SCGB2B2: variants seen among roughly 807,000 people sequenced by gnomAD.
The protein encoded by SCGB2B2 is secretoglobin family 2B member 2.
Under a neutral mutation model 7.6 loss-of-function variants are expected in SCGB2B2, and 11 were observed. The ratio of observed to expected loss-of-function variants is 1.45; its 90% CI spans 0.91 to 2.40. The LOEUF is 2.40. SCGB2B2 is among the 30% of genes most tolerant of loss of function. SCGB2B2 has a pLI of 0.00. For synonymous variants in SCGB2B2, 50 were observed against 48.6 expected (o/e 1.03, Z -0.12); for missense variants, 104 against 115.4 (o/e 0.90, Z 0.45).
Position 34,594,376 on chromosome 19 carries a change from G to A in SCGB2B2, c.62-17C>T, listed in dbSNP as rs2065384269. On this transcript the variant is annotated splice_polypyrimidine_tract_variant and intron_variant, in intron 2 of 3. Coordinates refer to ENST00000601241, the MANE Select transcript of SCGB2B2 (RefSeq NM_001025591.4). ...AGGCATCCCCTGTGGAGGATGAGGT[G>A]AGATAAGAAAACAGAGGAGGTCAGA... 6.2e-7 allele frequency: 1 copy of A among 1,611,888 alleles called. No homozygotes were observed. Among genetic ancestry groups the A allele is most frequent in the Non-Finnish European group, 8.5e-7 (1 of 1,178,214 alleles).
At chr19:34,656,254 A>G (rs1017931345) in intron 1 of SCGB2B2, among the ~76,000 whole-genome samples, 8 of 151,462 alleles carry the variant, frequency 5.3e-5, no homozygotes, top group African/African-American at 2.0e-4. Flanking sequence ...AACTGTATGC[A>G]TATTTCATTA....
intron 1 of SCGB2B2, chr19:34,645,340 TC>T (rs2066968080): frequency 6.5e-6 from 1 of 153,526 alleles, no homozygotes; most frequent in African/African-American, 2.4e-5. Flanking sequence ...CTCAGCCCGT[TC>T]CCAATCCCAG....
At chr19:34,649,600 G>A (rs1314972677) in intron 1 of SCGB2B2, among the ~76,000 whole-genome samples, 1 of 152,152 alleles carries the variant, frequency 6.6e-6, no homozygotes, top group African/African-American at 2.4e-5. Context: ...TGTAATCCCA[G>A]CACTTTGGGA....
intron 1 of SCGB2B2, among the ~76,000 whole-genome samples, chr19:34,669,847 C>T (rs980703309): frequency 2.0e-5 from 3 of 152,186 alleles, no homozygotes; most frequent in Non-Finnish European, 2.9e-5. Flanking sequence ...CGGGGCACAC[C>T]ATGCCACACA....
intron 1 of SCGB2B2, among the ~76,000 whole-genome samples, chr19:34,664,983 T>C (rs1305424657): frequency 1.3e-5 from 2 of 152,170 alleles, no homozygotes; most frequent in South Asian, 2.1e-4. Context: ...GCCCAGGTGT[T>C]TGGCACAGGG....
At chr19:34,630,830 C>T (rs1170545758) in intron 1 of SCGB2B2, among the ~76,000 whole-genome samples, 4 of 151,946 alleles carry the variant, frequency 2.6e-5, no homozygotes, top group Non-Finnish European at 4.4e-5. Flanking sequence ...TTTATTGCGG[C>T]ACTATTCACA....
chr19:34,603,812 T>TTTTTA (rs1555744409), intron 1 of SCGB2B2, among the ~76,000 whole-genome samples: 13 of 145,194 alleles, frequency 9.0e-5, no homozygotes, highest in African/African-American at 2.3e-4. Context: ...TTTTTTTTTT[T>TTTTTA]AACAGATAAC....
At chr19:34,610,310 T>G (rs1409953127) in intron 1 of SCGB2B2, among the ~76,000 whole-genome samples, 1 of 152,126 alleles carries the variant, frequency 6.6e-6, no homozygotes. Flanking sequence ...TTCATTCTCT[T>G]GCCTAATTGC....
chr19:34,662,782 T>G (rs960701347), intron 1 of SCGB2B2, among the ~76,000 whole-genome samples: 12 of 151,852 alleles, frequency 7.9e-5, no homozygotes, highest in African/African-American at 2.2e-4. Flanking sequence ...AATACAAAAA[T>G]TAGCCAGGCA....
chr19:34,599,484 GGCA>G (rs1421598456), intron 1 of SCGB2B2, among the ~76,000 whole-genome samples: 1 of 152,188 alleles, frequency 6.6e-6, no homozygotes, highest in Non-Finnish European at 1.5e-5. Flanking sequence ...CTCACATGGC[GGCA>G]GCAAGAGACA....
intron 1 of SCGB2B2, among the ~76,000 whole-genome samples, chr19:34,670,752 T>A (rs941680239): frequency 2.0e-5 from 3 of 152,210 alleles, no homozygotes; most frequent in African/African-American, 7.2e-5. Flanking sequence ...GAATGTGTTA[T>A]TTTTTTCTTT....
intron 1 of SCGB2B2, among the ~76,000 whole-genome samples, chr19:34,663,119 A>G (rs1167066853): frequency 6.6e-6 from 1 of 152,250 alleles, no homozygotes; most frequent in Non-Finnish European, 1.5e-5. Context: ...GATGGTTCAC[A>G]CGACACTGAC....
At chr19:34,655,789 A>T (rs374313607) in intron 1 of SCGB2B2, among the ~76,000 whole-genome samples, 1 of 151,470 alleles carries the variant, frequency 6.6e-6, no homozygotes, top group South Asian at 2.1e-4. Context: ...CAAGAGCAAC[A>T]TATCTAACGA....
At chr19:34,606,047 A>T (rs113225420) in intron 1 of SCGB2B2, among the ~76,000 whole-genome samples, 3,110 of 150,162 alleles carry the variant, frequency 0.021, 47 homozygotes, top group East Asian at 0.067. Flanking sequence ...AGTTACTAAA[A>T]TTTTTTTTTT....
At chr19:34,602,347 T>C (rs987547078) in intron 1 of SCGB2B2, among the ~76,000 whole-genome samples, 2 of 152,208 alleles carry the variant, frequency 1.3e-5, no homozygotes, top group Middle Eastern at 3.2e-3. Flanking sequence ...ACTTTGCTAA[T>C]ATATTGTGTG....
intron 1 of SCGB2B2, among the ~76,000 whole-genome samples, chr19:34,599,266 G>A (rs778838548): frequency 4.2e-4 from 64 of 152,238 alleles, no homozygotes; most frequent in Non-Finnish European, 5.0e-4. Flanking sequence ...TGGGGAGGAC[G>A]ACCCAGCTGT....
intron 1 of SCGB2B2, among the ~76,000 whole-genome samples, chr19:34,616,270 T>A (rs1398145724): frequency 1.3e-5 from 2 of 149,218 alleles, no homozygotes; most frequent in Non-Finnish European, 3.0e-5. Flanking sequence ...CCACACTGAC[T>A]TACACAATGG....
intron 1 of SCGB2B2, chr19:34,637,871 C>T (rs1435442557): frequency 1.3e-5 from 2 of 152,160 alleles, no homozygotes; most frequent in African/African-American, 4.8e-5. Flanking sequence ...ACTTCAATGG[C>T]ATATCAGTAT....
downstream of SCGB2B2, among the ~76,000 whole-genome samples, chr19:34,586,627 T>C (rs541961421): frequency 2.0e-5 from 3 of 152,336 alleles, no homozygotes; most frequent in East Asian, 5.8e-4. Context: ...AAAAACTACA[T>C]ACGGTGATAC....
Sources: allele counts gnomAD v4.1 joint callset (sites outside exome capture counted in the v4.1 genomes callset), GRCh38; gene constraint gnomAD v4.1.1; transcripts MANE v1.5; gene names NCBI Gene and HGNC (gene_info 2026-07-23, HGNC 2026-07-21).